The following GRIA1 variants were observed in gnomAD, a reference collection of about 807,000 sequenced individuals.
The protein encoded by GRIA1 is glutamate receptor 1.
GRIA1 carries 31 observed loss-of-function variants against 99.2 expected under a neutral mutation model. That is an observed-to-expected ratio of 0.31 (90% CI 0.23 to 0.42). The LOEUF is 0.42. Ranked by LOEUF, GRIA1 falls within the 10% of genes least tolerant of loss-of-function variation. GRIA1 has a pLI of 1.00. For missense variants in GRIA1, 782 were observed against 1,157.5 expected (o/e 0.68, Z 4.71); for synonymous variants, 438 against 432.4 (o/e 1.01, Z -0.16).
intron 2 of GRIA1, among the ~76,000 whole-genome samples, chr5:153,606,007 GA>G (rs1765405182): frequency 6.6e-6 from 1 of 152,092 alleles, no homozygotes; most frequent in Admixed American, 6.5e-5. Flanking sequence ...TTTTGTTTAG[GA>G]AAACTTTTCC....
chr5:153,750,223 T>G (rs991448404), intron 11 of GRIA1, among the ~76,000 whole-genome samples: 5 of 152,174 alleles, frequency 3.3e-5, no homozygotes, highest in Non-Finnish European at 5.9e-5. Context: ...CAGTATCAAG[T>G]GAGCCTCTCT....
chr5:153,510,943 G>T (rs1363428200), intron 2 of GRIA1, among the ~76,000 whole-genome samples: 1 of 152,216 alleles, frequency 6.6e-6, no homozygotes, highest in Non-Finnish European at 1.5e-5. Flanking sequence ...TGGGGGTGAT[G>T]AGGGAAGGTT....
chr5:153,719,583 C>G (rs1485019611), intron 11 of GRIA1, among the ~76,000 whole-genome samples: 1 of 151,986 alleles, frequency 6.6e-6, no homozygotes, highest in Non-Finnish European at 1.5e-5. Context: ...GGCTGGGTTC[C>G]AAGAACAAGT....
chr5:153,711,271 C>T (rs1581517137), intron 11 of GRIA1, among the ~76,000 whole-genome samples: 2 of 152,112 alleles, frequency 1.3e-5, no homozygotes, highest in East Asian at 3.9e-4. Context: ...TGAATTGCGG[C>T]AGAGAAGAGT....
At chr5:153,680,217 C>T (rs1238257766) in intron 7 of GRIA1, among the ~76,000 whole-genome samples, 2 of 152,062 alleles carry the variant, frequency 1.3e-5, no homozygotes, top group Non-Finnish European at 2.9e-5. Flanking sequence ...TGGGTAATAT[C>T]TGTGCACCCC....
intron 2 of GRIA1, among the ~76,000 whole-genome samples, chr5:153,555,829 A>G (rs560945456): frequency 3.1e-4 from 47 of 152,336 alleles, no homozygotes; most frequent in Admixed American, 3.9e-4. Flanking sequence ...ATTTGATCCA[A>G]CGGGAAAGAA....
chr5:153,742,972 G>A (rs1329267316), intron 11 of GRIA1, among the ~76,000 whole-genome samples: 4 of 152,160 alleles, frequency 2.6e-5, no homozygotes, highest in Admixed American at 6.5e-5. Flanking sequence ...CAAATTTTCT[G>A]CCTATCACAC....
At chr5:153,615,680 C>T (rs1034822971) in intron 2 of GRIA1, among the ~76,000 whole-genome samples, 5 of 152,132 alleles carry the variant, frequency 3.3e-5, no homozygotes, top group Non-Finnish European at 7.3e-5. Flanking sequence ...TAAAAGTAAA[C>T]GCCACCATCA....
intron 5 of GRIA1, 71 bp downstream of exon 5, chr5:153,655,943 C>G (rs1010767621): frequency 3.9e-5 from 52 of 1,345,378 alleles, no homozygotes; most frequent in Middle Eastern, 1.8e-4. Flanking sequence ...CTTCTGTTGT[C>G]CCTGGCTGAT....
At chr5:153,562,955 A>G (rs1014360312) in intron 2 of GRIA1, among the ~76,000 whole-genome samples, 5 of 152,280 alleles carry the variant, frequency 3.3e-5, no homozygotes, top group African/African-American at 1.2e-4. Flanking sequence ...AGGCGTGTGG[A>G]TCACGAGATC....
chr5:153,642,186 T>A (rs1753817819), intron 2 of GRIA1, among the ~76,000 whole-genome samples: 1 of 152,198 alleles, frequency 6.6e-6, no homozygotes, highest in Non-Finnish European at 1.5e-5. Flanking sequence ...TTCCAGAAAC[T>A]GAAGCTGACC....
At chr5:153,549,965 A>C (rs746331006) in intron 2 of GRIA1, among the ~76,000 whole-genome samples, 4 of 152,176 alleles carry the variant, frequency 2.6e-5, no homozygotes, top group Non-Finnish European at 4.4e-5. Context: ...ATCGCTTACT[A>C]TCGGTATGAA....
intron 11 of GRIA1, among the ~76,000 whole-genome samples, chr5:153,759,732 C>T (rs901675679): frequency 3.3e-5 from 5 of 151,590 alleles, no homozygotes; most frequent in African/African-American, 1.2e-4. Context: ...ATCCCAAAAC[C>T]AGACACAACA....
intron 11 of GRIA1, among the ~76,000 whole-genome samples, chr5:153,728,228 T>C (rs1481645296): frequency 3.3e-5 from 5 of 152,000 alleles, no homozygotes; most frequent in Non-Finnish European, 7.4e-5. Flanking sequence ...ATACAAAAAT[T>C]AATTCAAGAT....
Position 153,794,663 on chromosome 5 carries a change from G to A in GRIA1, c.2313G>A (p.Gly771=). The A allele has an allele frequency of 6.2e-7, 1 of 1,613,808 alleles. No homozygotes were observed. Among genetic ancestry groups the A allele is most frequent in the Non-Finnish European group, 8.5e-7 (1 of 1,179,796 alleles). ...CAGTGTTAAAACTGAACGAGCAGGG[G>A]CTTTTGGACAAATTGAAAAACAAAT... ...NLAVLKLNEQ[G]LLDKLKNKWW... is the part of the protein sequence containing the mutation. The change falls in exon 14 of 16, where the codon GGG becomes GGA. Residue 771 remains glycine, a synonymous_variant. Coordinates refer to ENST00000285900, the MANE Select transcript of GRIA1 (RefSeq NM_000827.4).
intron 2 of GRIA1, among the ~76,000 whole-genome samples, chr5:153,496,228 A>G (rs1227475622): frequency 6.6e-6 from 1 of 152,256 alleles, no homozygotes; most frequent in Non-Finnish European, 1.5e-5. Context: ...AGACAGAAAT[A>G]TGATACAGAC....
At chr5:153,505,427 G>A (rs907054689) in intron 2 of GRIA1, among the ~76,000 whole-genome samples, 2 of 152,182 alleles carry the variant, frequency 1.3e-5, no homozygotes, top group African/African-American at 2.4e-5. Context: ...TTAGATATTA[G>A]TAGATATGTT....
intron 2 of GRIA1, among the ~76,000 whole-genome samples, chr5:153,615,224 T>TA (rs750175769): frequency 2.6e-5 from 4 of 152,316 alleles, no homozygotes; most frequent in Non-Finnish European, 4.4e-5. Context: ...AGCAAATACT[T>TA]ACTAAGTACT....
At position 153,768,173 on chromosome 5, in the gene GRIA1, C is replaced by A. The variant is rs138928019; in HGVS notation, c.2023-1995C>A. 1.8e-4 allele frequency among the ~76,000 whole-genome samples: 28 copies of A among 152,308 alleles called. 2 individuals carry two copies. The East Asian group carries it at 5.0e-3, about 27-fold the overall frequency. ...GTTTCCTGTGAGAGAATATTAAATA[C>A]ATTGGCAGACCTTATGATTAGTTCT... On this transcript the variant is annotated intron_variant, in intron 12 of 15. Coordinates refer to ENST00000285900, the MANE Select transcript of GRIA1 (RefSeq NM_000827.4).
Sources: gnomAD v4.1 joint callset for allele counts (sites outside exome capture counted in the v4.1 genomes callset) on GRCh38, gnomAD v4.1.1 for gene constraint, MANE v1.5 for transcripts, NCBI Gene and HGNC (gene_info 2026-07-23, HGNC 2026-07-21) for gene names.